Variants in LMX1B observed in about 807,000 individuals in gnomAD.
LMX1B encodes LIM homeobox transcription factor 1 beta.
Under a neutral mutation model 51.4 loss-of-function variants are expected in LMX1B, and 12 were observed. The observed-to-expected ratio is 0.23, with a 90% CI of 0.15 to 0.38. The LOEUF (loss-of-function observed/expected upper bound fraction) is 0.38. LMX1B is among the 10% of genes least tolerant of loss of function. LMX1B has a pLI of 1.00. For synonymous variants in LMX1B, 237 were observed against 235.4 expected, an observed-to-expected ratio of 1.01 and a Z score of -0.06; for missense variants, 445 against 571.1, an observed-to-expected ratio of 0.78 and a Z score of 2.25.
chr9:126,665,861 C>G, intron 2 of LMX1B, among the ~76,000 whole-genome samples: 1 of 151,978 alleles, frequency 6.6e-6, no homozygotes, highest in Non-Finnish European at 1.5e-5. Context: ...CCAACAAGGC[C>G]AGCGTGGGCC....
At chr9:126,668,641 A>G (rs1248883635) in intron 2 of LMX1B, among the ~76,000 whole-genome samples, 1 of 152,040 alleles carries the variant, frequency 6.6e-6, no homozygotes, top group African/African-American at 2.4e-5. Flanking sequence ...TTTAGTAGAG[A>G]CAGGGTTTCA....
At chr9:126,676,376 C>T (rs1455466815) in intron 2 of LMX1B, among the ~76,000 whole-genome samples, 5 of 152,214 alleles carry the variant, frequency 3.3e-5, no homozygotes, top group Admixed American at 2.6e-4. Context: ...CTCCCAGTGG[C>T]TTGTTCGCTG....
At position 126,671,559 on chromosome 9, in the gene LMX1B, G is replaced by A. The variant is rs907536825; in HGVS notation, c.327-19277G>A. Reference sequence around the variant, plus strand: ...AAGAGCCCACTCCAGCCGGTATCCCGAGAGGCCGCAAAAACACAGACACCC... The same window carrying A: ...AAGAGCCCACTCCAGCCGGTATCCCAAGAGGCCGCAAAAACACAGACACCC... On this transcript the variant is annotated intron_variant, in intron 2 of 7. Coordinates refer to ENST00000373474, the MANE Select transcript of LMX1B (RefSeq NM_001174147.2). This position sits in a 1 kb window ranked among gnomAD's most constrained non-coding sequence, Gnocchi z 4.4. 6.6e-5 allele frequency among the ~76,000 whole-genome samples: 10 copies of A among 152,190 alleles called. 1 individual carries two copies. The highest frequency in any genetic ancestry group is 1.5e-4 in the Non-Finnish European group (10 of 68,040).
intron 2 of LMX1B, among the ~76,000 whole-genome samples, chr9:126,688,143 G>A (rs1347221018): frequency 1.3e-5 from 2 of 152,234 alleles, no homozygotes; most frequent in African/African-American, 4.8e-5. Flanking sequence ...GATACCCTGA[G>A]TGGCTGGCGC....
At chr9:126,648,099 G>A (rs1221923921) in intron 2 of LMX1B, among the ~76,000 whole-genome samples, 1 of 152,214 alleles carries the variant, frequency 6.6e-6, no homozygotes, top group Non-Finnish European at 1.5e-5. Context: ...ATAACTCCCA[G>A]TAATGACTTC....
chr9:126,663,486 A>C (rs926190411), intron 2 of LMX1B, among the ~76,000 whole-genome samples: 1 of 151,946 alleles, frequency 6.6e-6, no homozygotes, highest in African/African-American at 2.4e-5. Flanking sequence ...TTCAAATCCC[A>C]GCTCTGCCAC....
chr9:126,683,415 T>C (rs1836714030), intron 2 of LMX1B, among the ~76,000 whole-genome samples: 1 of 152,086 alleles, frequency 6.6e-6, no homozygotes, highest in African/African-American at 2.4e-5. Flanking sequence ...ACGCCCGGAA[T>C]GATAAGGACG....
rs578000737 is a variant in LMX1B, at chr9:126,671,670, C to T, written c.327-19166C>T. On this transcript the variant is annotated intron_variant, in intron 2 of 7. Coordinates refer to ENST00000373474, the MANE Select transcript of LMX1B (RefSeq NM_001174147.2). This position sits in a 1 kb window ranked among gnomAD's most constrained non-coding sequence, Gnocchi z 4.4. ...GGCGCACCCCGGGATGAGAGGTCAGCGGGCCTGCCCTGTGCCGAGCGGTGG... is the reference window on the plus strand; with the variant it reads ...GGCGCACCCCGGGATGAGAGGTCAGTGGGCCTGCCCTGTGCCGAGCGGTGG... Among the ~76,000 whole-genome samples the T allele has an allele frequency of 1.3e-5, 2 of 152,298 alleles. No individual in the cohort carries two copies. Among genetic ancestry groups the T allele is most frequent in the African/African-American group, 2.4e-5 (1 of 41,574 alleles).
At chr9:126,634,763 G>A (rs1009782964) in intron 2 of LMX1B, among the ~76,000 whole-genome samples, 1 of 152,172 alleles carries the variant, frequency 6.6e-6, no homozygotes, top group Admixed American at 6.5e-5. Flanking sequence ...GCCCCGCTGC[G>A]AGTGTACCTG....
At chr9:126,652,617 G>A (rs1021163704) in intron 2 of LMX1B, among the ~76,000 whole-genome samples, 2 of 152,266 alleles carry the variant, frequency 1.3e-5, no homozygotes, top group Non-Finnish European at 2.9e-5. Flanking sequence ...GACTGTGTGT[G>A]TGTGTGGATG....
At chr9:126,639,537 G>T (rs746605125) in intron 2 of LMX1B, among the ~76,000 whole-genome samples, 1 of 152,216 alleles carries the variant, frequency 6.6e-6, no homozygotes, top group Non-Finnish European at 1.5e-5. Context: ...CCTAATTAAA[G>T]ACTTCGGGCC....
Position 126,700,884 on chromosome 9 carries a change from A to G in LMX1B, c.*4433A>G, listed in dbSNP as rs1424539276. On this transcript the variant is annotated 3_prime_UTR_variant, in exon 8 of 8. Coordinates refer to ENST00000373474, the MANE Select transcript of LMX1B (RefSeq NM_001174147.2). ...TTTTATTTAATAACTTGTCATTGTTAAATTATTTATTAGCGTTTACCACAC... is the reference window on the plus strand; with the variant it reads ...TTTTATTTAATAACTTGTCATTGTTGAATTATTTATTAGCGTTTACCACAC... 1 of 152,220 alleles carries G rather than the reference A, an allele frequency of 6.6e-6. No individual in the cohort carries two copies. Among genetic ancestry groups the G allele is most frequent in the Non-Finnish European group, 1.5e-5 (1 of 68,042 alleles). The allele number at this position is 152,220 out of a possible 1,614,324, so 9.4% of individuals were successfully genotyped here. A position where few individuals can be genotyped will look rare whatever the true frequency, so the allele number is the denominator to read the frequency against.
Position 126,671,237 on chromosome 9 carries a change from C to G in LMX1B, c.327-19599C>G, listed in dbSNP as rs1271224035. Among the ~76,000 whole-genome samples, 1 of 152,198 alleles carries G rather than the reference C, an allele frequency of 6.6e-6. No homozygotes were observed. Among genetic ancestry groups the G allele is most frequent in the South Asian group, 2.1e-4 (1 of 4,826 alleles). On this transcript the variant is annotated intron_variant, in intron 2 of 7. Coordinates refer to ENST00000373474, the MANE Select transcript of LMX1B (RefSeq NM_001174147.2). This position sits in a 1 kb window ranked among gnomAD's most constrained non-coding sequence, Gnocchi z 4.4. ...TGAGCTGGGGGGAGGGGACCCCGCTCGGAAATCGGTCATAAATTTCTTGAG... is the reference window on the plus strand; with the variant it reads ...TGAGCTGGGGGGAGGGGACCCCGCTGGGAAATCGGTCATAAATTTCTTGAG...
chr9:126,621,655 CTTTTTTTT>C (rs71377950), intron 2 of LMX1B, among the ~76,000 whole-genome samples: 34,803 of 116,954 alleles, frequency 0.3, 5,149 homozygotes, highest in Middle Eastern at 0.44. Context: ...TCTCTCTCTT[CTTTTTTTT>C]TTTTTTTTTT....
At chr9:126,666,812 A>G (rs2417027) in intron 2 of LMX1B, among the ~76,000 whole-genome samples, 35,379 of 151,934 alleles carry the variant, frequency 0.23, 5,081 homozygotes, top group African/African-American at 0.41. Context: ...CAGGGCAGGT[A>G]TACAGGGATG....
chr9:126,644,765 G>A (rs900196764), intron 2 of LMX1B, among the ~76,000 whole-genome samples: 4 of 152,254 alleles, frequency 2.6e-5, no homozygotes, highest in Admixed American at 1.3e-4. Flanking sequence ...CACCACCTTC[G>A]CAGGGTATGT....
In LMX1B at chr9:126,658,316, TC is replaced by T. The variant is rs1836157851; in HGVS notation, c.327-32517del. Among the ~76,000 whole-genome samples, 5 of 152,088 alleles carry T rather than the reference TC, an allele frequency of 3.3e-5. No individual in the cohort carries two copies. In the South Asian group the frequency reaches 1.0e-3, roughly 32 times the overall value. On this transcript the variant is annotated intron_variant, in intron 2 of 7. Transcript: ENST00000373474. The surrounding 1 kb of genome is among the most constrained non-coding windows in gnomAD (Gnocchi z 4.0). ...GAGGGAGGGACTTACTAGCTCTGGA[TC>T]CCTTTGGCCAGGGTGTGGGGAGTGG...
chr9:126,659,509 G>T (rs1362640031), intron 2 of LMX1B, among the ~76,000 whole-genome samples: 1 of 152,252 alleles, frequency 6.6e-6, no homozygotes, highest in Non-Finnish European at 1.5e-5. Flanking sequence ...CAGGCCAGGG[G>T]CTCTGCTGGC....
intron 2 of LMX1B, among the ~76,000 whole-genome samples, chr9:126,621,646 C>T (rs1371416845): frequency 3.7e-5 from 3 of 81,914 alleles, no homozygotes; most frequent in African/African-American, 9.9e-5. Context: ...TTTTCTCTCT[C>T]TCTCTCTTCT....
Sources: gnomAD v4.1 joint callset for allele counts (sites outside exome capture counted in the v4.1 genomes callset) on GRCh38, gnomAD v4.1.1 for gene constraint, Gnocchi (gnomAD v3.1) non-coding constraint, MANE v1.5 for transcripts, NCBI Gene and HGNC (gene_info 2026-07-23, HGNC 2026-07-21) for gene names.